The following EAF2 variants were observed in gnomAD, a reference collection of about 807,000 sequenced individuals.
EAF2 encodes the protein ELL-associated factor 2.
A neutral mutation model predicts 29.4 loss-of-function variants in EAF2; 29 were observed. The observed-to-expected ratio is 0.99, with a 90% confidence interval of 0.73 to 1.35. The LOEUF is 1.35. EAF2 is among the 40% of genes most tolerant of loss of function. The probability of loss-of-function intolerance (pLI) is 0.00; values close to 1 mark genes in which losing one functional copy is unlikely to be tolerated. For missense variants in EAF2, 292 were observed against 312.0 expected (o/e 0.94, Z 0.48); for synonymous variants, 103 against 102.5 (o/e 1.00, Z -0.03).
chr3:121,868,703 G>C (rs1196681756), intron 4 of EAF2, among the ~76,000 whole-genome samples: 6 of 152,168 alleles, frequency 3.9e-5, no homozygotes, highest in Non-Finnish European at 5.9e-5. Context: ...CAACTGAACT[G>C]AACTGAGAAA....
At chr3:121,854,248 G>A (rs1708679963) in intron 2 of EAF2, among the ~76,000 whole-genome samples, 1 of 149,992 alleles carries the variant, frequency 6.7e-6, no homozygotes, top group Non-Finnish European at 1.5e-5. Context: ...TCCAGGAGGT[G>A]GAGGTTGCAG....
rs148265764 is a variant in EAF2 at position 121,885,773 on chromosome 3, C to T, written c.737-569C>T. On this transcript the variant is annotated intron_variant, in intron 5 of 5. Coordinates refer to ENST00000273668, the MANE Select transcript of EAF2 (RefSeq NM_018456.6). ...CTACCCTATTTAAAATAGCACCTGC[C>T]ACTGCCATCTCCATACCCATTTTCA... is the stretch of plus-strand genomic sequence containing the variant. 2.6e-4 allele frequency among the ~76,000 whole-genome samples: 40 copies of T among 152,256 alleles called. 1 individual carries two copies. In the East Asian group the frequency reaches 7.1e-3, roughly 27 times the overall value.
intron 4 of EAF2, among the ~76,000 whole-genome samples, chr3:121,860,132 T>C (rs1251766424): frequency 6.6e-6 from 1 of 152,244 alleles, no homozygotes; most frequent in African/African-American, 2.4e-5. Flanking sequence ...TCTAAAATTC[T>C]CTTTCTTTGT....
Position 121,872,700 on chromosome 3 carries a change from T to C in EAF2, c.648T>C (p.His216=), listed in dbSNP as rs765094507. The C allele has an allele frequency of 6.2e-7, 1 of 1,612,864 alleles. No homozygotes were observed. The highest frequency in any genetic ancestry group is 2.2e-5 in the East Asian group (1 of 44,780). Residue 216 remains histidine, a synonymous_variant, in exon 5 of 6, where the codon CAT becomes CAC. Coordinates refer to ENST00000273668, the MANE Select transcript of EAF2 (RefSeq NM_018456.6). ...TSDTGNCVSG[H]PTMTQYRIPD... is the part of the protein sequence containing the mutation. ...ATACAGGGAATTGTGTCTCAGGACA[T>C]CCTACCATGACACAGTACAGGATTC...
At chr3:121,878,950 G>A (rs568290482) in intron 5 of EAF2, among the ~76,000 whole-genome samples, 2 of 152,148 alleles carry the variant, frequency 1.3e-5, no homozygotes, top group South Asian at 4.1e-4. Flanking sequence ...ATAGTTTTTT[G>A]AGGACCCTCC....
chr3:121,867,515 A>G (rs1708946742), intron 4 of EAF2, among the ~76,000 whole-genome samples: 2 of 152,334 alleles, frequency 1.3e-5, no homozygotes, highest in African/African-American at 4.8e-5. Context: ...TGAAAGAAAA[A>G]AAATGTTAAG....
At chr3:121,870,108 A>G (rs191281838) in intron 4 of EAF2, among the ~76,000 whole-genome samples, 5 of 152,304 alleles carry the variant, frequency 3.3e-5, no homozygotes, top group African/African-American at 1.2e-4. Flanking sequence ...TTTAAAGAGA[A>G]TTAACACCAA....
intron 1 of EAF2, chr3:121,837,582 G>A (rs1708327034): frequency 1.3e-5 from 2 of 152,072 alleles, no homozygotes; most frequent in Admixed American, 1.3e-4. Context: ...TACATTTCAT[G>A]GTTTGTGTAA....
At chr3:121,884,101 G>A (rs1321320022) in intron 5 of EAF2, among the ~76,000 whole-genome samples, 1 of 152,048 alleles carries the variant, frequency 6.6e-6, no homozygotes, top group African/African-American at 2.4e-5. Flanking sequence ...ACTTTGGGAG[G>A]CCAAGGCAGG....
intron 1 of EAF2, among the ~76,000 whole-genome samples, chr3:121,839,610 A>G (rs1472806344): frequency 6.6e-6 from 1 of 152,234 alleles, no homozygotes; most frequent in Non-Finnish European, 1.5e-5. Context: ...ATGAAAGGAA[A>G]ATGGCAGTCT....
intron 5 of EAF2, among the ~76,000 whole-genome samples, chr3:121,881,965 T>C (rs1709197487): frequency 2.0e-5 from 3 of 152,134 alleles, no homozygotes; most frequent in African/African-American, 7.2e-5. Flanking sequence ...TCAATCTAAT[T>C]CACCACATTA....
At chr3:121,873,413 C>A (rs557478940) in intron 5 of EAF2, among the ~76,000 whole-genome samples, 4 of 151,552 alleles carry the variant, frequency 2.6e-5, no homozygotes, top group East Asian at 3.9e-4. Context: ...TTTGTTTTGC[C>A]TCCTCTATAT....
intron 3 of EAF2, among the ~76,000 whole-genome samples, 155 bp downstream of exon 3, chr3:121,854,978 C>T (rs1166951373): frequency 6.6e-6 from 1 of 151,926 alleles, no homozygotes; most frequent in African/African-American, 2.4e-5. Flanking sequence ...GGTGGAGATC[C>T]TAAGCAAAAA....
intron 1 of EAF2, among the ~76,000 whole-genome samples, chr3:121,842,372 A>G (rs1437537349): frequency 6.6e-6 from 1 of 152,232 alleles, no homozygotes; most frequent in Non-Finnish European, 1.5e-5. Flanking sequence ...GGTATTTGAT[A>G]GCCCAAACTA....
At chr3:121,874,576 A>G (rs1409460811) in intron 5 of EAF2, among the ~76,000 whole-genome samples, 1 of 151,926 alleles carries the variant, frequency 6.6e-6, no homozygotes, top group Non-Finnish European at 1.5e-5. Flanking sequence ...ATAACACTAC[A>G]CTTAACTTTC....
At chr3:121,872,884 T>C in intron 5 of EAF2, 96 bp downstream of exon 5, 1 of 1,470,558 alleles carries the variant, frequency 6.8e-7, no homozygotes. Context: ...AAAAGATTCC[T>C]ATTTTATGCA....
chr3:121,866,595 C>T (rs893074548), intron 4 of EAF2, among the ~76,000 whole-genome samples: 1 of 151,772 alleles, frequency 6.6e-6, no homozygotes, highest in African/African-American at 2.4e-5. Context: ...TGTGGTGGCA[C>T]GCACCTATAA....
At chr3:121,885,388 T>G (rs529752190) in intron 5 of EAF2, among the ~76,000 whole-genome samples, 1 of 152,338 alleles carries the variant, frequency 6.6e-6, no homozygotes, top group South Asian at 2.1e-4. Flanking sequence ...TGTTTCTGTG[T>G]TTCTTCCACA....
chr3:121,848,353 A>G (rs189369254), intron 2 of EAF2, among the ~76,000 whole-genome samples: 69 of 152,326 alleles, frequency 4.5e-4, no homozygotes, highest in Non-Finnish European at 8.1e-4. Flanking sequence ...ATAGGAGTAC[A>G]TTAAGTAATT....
Sources: gnomAD v4.1 joint callset for allele counts (sites outside exome capture counted in the v4.1 genomes callset) on GRCh38, gnomAD v4.1.1 for gene constraint, MANE v1.5 for transcripts, NCBI Gene and HGNC (gene_info 2026-07-23, HGNC 2026-07-21) for gene names.